The following PRDM16 variants were observed in gnomAD, a reference collection of about 807,000 sequenced individuals.
PRDM16 encodes PR/SET domain 16.
PRDM16 carries 23 observed loss-of-function variants against 110.6 expected under a neutral mutation model. The ratio of observed to expected loss-of-function variants is 0.21; its 90% CI spans 0.15 to 0.29. The LOEUF is 0.29. Among genes scored for constraint, PRDM16 ranks in the 10% least tolerant of loss-of-function variants. The pLI is 1.00. For synonymous variants in PRDM16, 799 were observed against 781.8 expected, an observed-to-expected ratio of 1.02 and a Z score of -0.37; for missense variants, 1,615 against 1,794.3, an observed-to-expected ratio of 0.90 and a Z score of 1.81.
rs928075287 is a variant in PRDM16 at position 3,359,716 on chromosome 1, G to T, written c.439-25436G>T. ...GACTTCTTTCCCCCTTGGAAAAAAA[G>T]CGTCCTCTGTGTGCCTGAGGGGAAC... On this transcript the variant is annotated intron_variant, in intron 3 of 16. Transcript: ENST00000270722. This position sits in a 1 kb window ranked among gnomAD's most constrained non-coding sequence, Gnocchi z 4.3. 1.3e-5 allele frequency among the ~76,000 whole-genome samples: 2 copies of T among 152,180 alleles called. No individual in the cohort carries two copies. Among genetic ancestry groups the T allele is most frequent in the African/African-American group, 4.8e-5 (2 of 41,446 alleles).
intron 1 of PRDM16, among the ~76,000 whole-genome samples, chr1:3,130,132 C>T (rs950478074): frequency 6.6e-6 from 1 of 152,148 alleles, no homozygotes; most frequent in Non-Finnish European, 1.5e-5. Context: ...GGGTCAGGGG[C>T]TTGGGGACAG....
intron 12 of PRDM16, among the ~76,000 whole-genome samples, chr1:3,419,603 T>G (rs1387576784): frequency 6.6e-6 from 1 of 152,178 alleles, no homozygotes; most frequent in East Asian, 1.9e-4. Flanking sequence ...GCAGGGTGTG[T>G]CTGTTCACAG....
rs56222154 is a variant in PRDM16 at position 3,300,204 on chromosome 1, A to G, written c.438+56067A>G. ...TGACTCTGCCCTTGTTGAAGATGCT[A>G]TGCTGTGGCAGTGATGTTTCCGATC... On this transcript the variant is annotated intron_variant, in intron 3 of 16. Coordinates refer to ENST00000270722, the MANE Select transcript of PRDM16 (RefSeq NM_022114.4). Among the ~76,000 whole-genome samples, 8 of 94,982 alleles carry G rather than the reference A, an allele frequency of 8.4e-5. 3 individuals are homozygous for G. Among genetic ancestry groups the G allele is most frequent in the Admixed American group, 4.1e-4 (3 of 7,302 alleles). 62.3% of individuals were successfully genotyped at this position (94,982 alleles called of 152,430 possible). A position where few individuals can be genotyped will look rare whatever the true frequency, so the allele number is the denominator to read the frequency against.
chr1:3,263,800 G>C (rs1640223866), intron 3 of PRDM16, among the ~76,000 whole-genome samples: 1 of 152,214 alleles, frequency 6.6e-6, no homozygotes, highest in Non-Finnish European at 1.5e-5. Flanking sequence ...AGAAGCCTTT[G>C]CCACCCATTA....
intron 3 of PRDM16, among the ~76,000 whole-genome samples, chr1:3,299,432 C>A (rs372159719): frequency 1.9e-4 from 14 of 75,442 alleles, no homozygotes; most frequent in East Asian, 6.4e-4. Flanking sequence ...GTGATGTTTC[C>A]GATCCCAGTC....
chr1:3,115,787 G>T (rs947357496), intron 1 of PRDM16, among the ~76,000 whole-genome samples: 1 of 152,352 alleles, frequency 6.6e-6, no homozygotes, highest in Admixed American at 6.5e-5. Flanking sequence ...CCCTCGGGCC[G>T]CTGGTGCCCA....
At chr1:3,361,940 A>T (rs1353197918) in intron 3 of PRDM16, among the ~76,000 whole-genome samples, 1 of 144,132 alleles carries the variant, frequency 6.9e-6, no homozygotes, top group Non-Finnish European at 1.5e-5. Context: ...ACCGCGGCCC[A>T]GGAGGGCAGG....
chr1:3,372,531 G>A (rs561041788), intron 3 of PRDM16, among the ~76,000 whole-genome samples: 6 of 152,344 alleles, frequency 3.9e-5, no homozygotes, highest in Admixed American at 2.6e-4. Context: ...GCCTCACCCC[G>A]GGCAAGGAGT....
intron 1 of PRDM16, among the ~76,000 whole-genome samples, chr1:3,171,065 C>T (rs1644019861): frequency 6.6e-6 from 1 of 152,124 alleles, no homozygotes; most frequent in African/African-American, 2.4e-5. Context: ...GGACCCCGCA[C>T]CCCTCAGCGC....
At chr1:3,101,632 G>C (rs1257406782) in intron 1 of PRDM16, among the ~76,000 whole-genome samples, 4 of 152,220 alleles carry the variant, frequency 2.6e-5, no homozygotes, top group Non-Finnish European at 5.9e-5. Flanking sequence ...GGGCACCCGT[G>C]GGGGTCTCTG....
chr1:3,424,736 G>A lies in PRDM16; in HGVS notation c.2940-845G>A, dbSNP rs1398831276. ...GGCAAACTGAGGCTCCAAGTGAGGT[G>A]GGGCCTGCCCAGGGGCCCCCAGCCA... is the stretch of plus-strand genomic sequence containing the variant. On this transcript the variant is annotated intron_variant, in intron 12 of 16. Transcript: ENST00000270722. Among the ~76,000 whole-genome samples the A allele has an allele frequency of 6.6e-6, 1 of 152,254 alleles. No homozygotes were observed. The highest frequency in any genetic ancestry group is 1.9e-4 in the East Asian group (1 of 5,196).
intron 12 of PRDM16, among the ~76,000 whole-genome samples, chr1:3,423,442 T>C (rs986003145): frequency 6.6e-6 from 1 of 152,058 alleles, no homozygotes; most frequent in African/African-American, 2.4e-5. Context: ...CGCCAGGCTT[T>C]TGTGATAGCA....
chr1:3,239,490 T>C (rs567724246), intron 2 of PRDM16, among the ~76,000 whole-genome samples: 18 of 152,222 alleles, frequency 1.2e-4, no homozygotes, highest in Non-Finnish European at 2.1e-4. Context: ...AGCCTTGCCA[T>C]TTGTATGCCC....
intron 12 of PRDM16, among the ~76,000 whole-genome samples, chr1:3,420,787 G>A (rs981132279): frequency 6.6e-6 from 1 of 152,192 alleles, no homozygotes; most frequent in Non-Finnish European, 1.5e-5. Flanking sequence ...GCGGGATTTG[G>A]GTTGGAGAAG....
intron 4 of PRDM16, among the ~76,000 whole-genome samples, chr1:3,395,691 C>T (rs564343512): frequency 6.6e-6 from 1 of 152,334 alleles, no homozygotes; most frequent in South Asian, 2.1e-4. Context: ...CCTTTGTGAA[C>T]TGCTAATTTT....
rs1557674999 is a variant in PRDM16 at position 3,433,569 on chromosome 1, CTGGGATGG to C, written c.3697-107_3697-100del. On this transcript the variant is annotated intron_variant, in intron 16 of 16. Coordinates refer to ENST00000270722, the MANE Select transcript of PRDM16 (RefSeq NM_022114.4). ...CCTGCCCACGCGCTCACCTGCCTGTCTGGGATGGCCCGCCCTGCCCACGCGCTCACCTG... is the reference window on the plus strand; with the variant it reads ...CCTGCCCACGCGCTCACCTGCCTGTCCCCGCCCTGCCCACGCGCTCACCTG... 4.2e-3 allele frequency: 1,613 copies of C among 387,868 alleles called. 35 individuals carry two copies. The highest frequency in any genetic ancestry group is 0.027 in the African/African-American group (752 of 27,846). The allele number at this position is 387,868 out of a possible 1,614,324, so 24.0% of individuals were successfully genotyped here.
intron 2 of PRDM16, among the ~76,000 whole-genome samples, chr1:3,222,404 GTC>G (rs932833420): frequency 1.3e-3 from 191 of 152,296 alleles, no homozygotes; most frequent in African/African-American, 4.3e-3. Flanking sequence ...GCTGAGGAAG[GTC>G]TCTCTCCCTC....
chr1:3,176,636 C>T (rs1644093446), intron 1 of PRDM16, among the ~76,000 whole-genome samples: 1 of 149,074 alleles, frequency 6.7e-6, no homozygotes, highest in Non-Finnish European at 1.5e-5. Context: ...CATCCATGTA[C>T]CCATCTATCC....
Position 3,266,537 on chromosome 1 carries a change from G to A in PRDM16, c.438+22400G>A, listed in dbSNP as rs560088805. On this transcript the variant is annotated intron_variant, in intron 3 of 16. Coordinates refer to ENST00000270722, the MANE Select transcript of PRDM16 (RefSeq NM_022114.4). ...GGAGGCATTGCTGCTCCGCTCCTCCGACGAGGAGAGGGCCCCAGGGGCAGG... is the reference window on the plus strand; with the variant it reads ...GGAGGCATTGCTGCTCCGCTCCTCCAACGAGGAGAGGGCCCCAGGGGCAGG... 4.9e-4 allele frequency among the ~76,000 whole-genome samples: 74 copies of A among 152,332 alleles called. No individual in the cohort carries two copies. The South Asian group carries it at 0.013, about 26-fold the overall frequency.
Sources: allele counts gnomAD v4.1 joint callset (sites outside exome capture counted in the v4.1 genomes callset), GRCh38; gene constraint gnomAD v4.1.1; non-coding constraint Gnocchi (gnomAD v3.1); transcripts MANE v1.5; gene names NCBI Gene and HGNC (gene_info 2026-07-23, HGNC 2026-07-21).